ECT2: variants seen among roughly 807,000 people sequenced by gnomAD.
ECT2 encodes protein ECT2.
Under a neutral mutation model 116.9 loss-of-function variants are expected in ECT2, and 61 were observed. The ratio of observed to expected loss-of-function variants is 0.52; its 90% confidence interval spans 0.42 to 0.65. The LOEUF is 0.65. Among genes scored for constraint, ECT2 ranks in the 30% least tolerant of loss-of-function variants. The pLI is 0.00. For missense variants in ECT2, 937 were observed against 1,078.7 expected, an observed-to-expected ratio of 0.87 and a Z score of 1.84; for synonymous variants, 358 against 346.4, an observed-to-expected ratio of 1.03 and a Z score of -0.37.
At chr3:172,805,923 A>G in intron 21 of ECT2, 54 bp downstream of exon 21, 8 of 1,568,670 alleles carry the variant, frequency 5.1e-6, no homozygotes, top group Non-Finnish European at 6.9e-6. Flanking sequence ...TATTCATTGT[A>G]GGTTTAATTT....
Position 172,783,890 on chromosome 3 carries a change from G to T in ECT2, c.1709G>T (p.Arg570Ile). The change falls in exon 16 of 25, where the codon AGA becomes ATA. Residue 570 changes from arginine to isoleucine, a missense_variant. Physicochemically the swap from Arg to Ile is moderately conservative, Grantham distance 97. Coordinates refer to ENST00000392692, the MANE Select transcript of ECT2 (RefSeq NM_001258315.2). Reference sequence around the variant, plus strand: ...ATTAAATGTGAAAAACAGAAACCAAGATTTCATGCTTTTCTCAAGGTAATG... The same window carrying T: ...ATTAAATGTGAAAAACAGAAACCAATATTTCATGCTTTTCTCAAGGTAATG... ...TIIKCEKQKP[R>I]FHAFLKINQA... The T allele has an allele frequency of 6.3e-7, 1 of 1,592,252 alleles. No individual in the cohort carries two copies. The highest frequency in any genetic ancestry group is 1.1e-5 in the South Asian group (1 of 87,684).
In ECT2 at chr3:172,802,666, A is replaced by G. The variant is rs779849187; in HGVS notation, c.1958A>G (p.Asp653Gly). The stretch of plus-strand genomic sequence containing the variant: ...ACAGAAGCTCAAAAGCAAATTTTTG[A>G]TGTTGTTTATGAAGTAGATGGATGC... ...RKTEAQKQIF[D>G]VVYEVDGCPA... Residue 653 changes from aspartate (D) to glycine (G), a missense_variant, in exon 19 of 25, where the codon GAT becomes GGT. Physicochemically the swap from Asp to Gly is moderately conservative, Grantham distance 94 (BLOSUM62 -1). Coordinates refer to ENST00000392692, the MANE Select transcript of ECT2 (RefSeq NM_001258315.2). 1.4e-5 allele frequency: 23 copies of G among 1,603,286 alleles called. No individual in the cohort carries two copies. The highest frequency in any genetic ancestry group is 1.3e-5 in the African/African-American group (1 of 74,492).
At chr3:172,782,280 A>T (rs1245852085) in intron 15 of ECT2, 49 bp downstream of exon 15, 1 of 1,134,318 alleles carries the variant, frequency 8.8e-7, no homozygotes, top group Non-Finnish European at 1.3e-6. Context: ...ATATGATCTC[A>T]TCAAGGACTG....
chr3:172,771,938 CTG>C (rs1343918496), intron 13 of ECT2, among the ~76,000 whole-genome samples: 2 of 152,090 alleles, frequency 1.3e-5, no homozygotes, highest in Non-Finnish European at 2.9e-5. Flanking sequence ...GTTGAAATAA[CTG>C]TTCGTGTTTT....
intron 14 of ECT2, 106 bp downstream of exon 14, chr3:172,774,128 C>G (rs1721208352): frequency 9.9e-7 from 1 of 1,010,270 alleles, no homozygotes; most frequent in Non-Finnish European, 1.5e-6. Flanking sequence ...GTACCTAAAA[C>G]TTCTTATTCC....
intron 24 of ECT2, among the ~76,000 whole-genome samples, chr3:172,819,926 A>G (rs1029696515): frequency 2.6e-5 from 4 of 152,152 alleles, no homozygotes; most frequent in African/African-American, 7.2e-5. Flanking sequence ...CTAGTTAACT[A>G]GTCTAGCTAT....
intron 22 of ECT2, among the ~76,000 whole-genome samples, chr3:172,811,983 C>G (rs982528267): frequency 7.4e-6 from 1 of 134,614 alleles, no homozygotes. Context: ...AAATGTATTT[C>G]TTTTTTTTTT....
chr3:172,823,692 G>C (rs1026155013), downstream of ECT2, among the ~76,000 whole-genome samples: 1 of 151,936 alleles, frequency 6.6e-6, no homozygotes, highest in African/African-American at 2.4e-5. Flanking sequence ...ACTATTAAGT[G>C]CAATAGCATT....
the ECT2 span, chr3:172,828,841 TGAGTGCCTGAGAGAC>T: frequency 6.8e-4 from 624 of 917,588 alleles, 2 homozygotes; most frequent in Non-Finnish European, 5.1e-4. Context: ...GCCTGAGAGA[TGAGTGCCTGAGAGAC>T]GAGTGCCTGA....
chr3:172,829,141 G>T, the ECT2 span: 3 of 636,236 alleles, frequency 4.7e-6, no homozygotes, highest in South Asian at 1.5e-5. Context: ...GATCTGAGCC[G>T]GAGAAATGAA....
intron 5 of ECT2, among the ~76,000 whole-genome samples, chr3:172,758,209 C>T (rs1166273590): frequency 1.3e-5 from 2 of 152,066 alleles, no homozygotes; most frequent in African/African-American, 4.8e-5. Context: ...GAGAGTTAGT[C>T]CCTATTTGGT....
downstream of ECT2, among the ~76,000 whole-genome samples, chr3:172,822,054 A>T (rs533457907): frequency 7.2e-5 from 11 of 152,046 alleles, no homozygotes; most frequent in South Asian, 2.1e-3. Context: ...TATTGAGAAA[A>T]TCATAATTTA....
intron 20 of ECT2, 140 bp from the exon 21 acceptor site, chr3:172,805,591 C>G: frequency 2.5e-6 from 2 of 801,826 alleles, no homozygotes; most frequent in Non-Finnish European, 3.7e-6. Flanking sequence ...CATAGTAACT[C>G]TGCTTATAAC....
At chr3:172,759,262 A>T (rs1438601232) in intron 6 of ECT2, among the ~76,000 whole-genome samples, 193 bp downstream of exon 6, 2 of 152,190 alleles carry the variant, frequency 1.3e-5, no homozygotes, top group Admixed American at 1.3e-4. Flanking sequence ...TGTTTTGTCT[A>T]GGCTGGCTGA....
At position 172,754,627 on chromosome 3, in the gene ECT2, A is replaced by G; in HGVS notation, c.97A>G (p.Asn33Asp). 2 of 1,611,746 alleles carry G rather than the reference A, an allele frequency of 1.2e-6. No individual in the cohort carries two copies. Among genetic ancestry groups the G allele is most frequent in the East Asian group, 2.2e-5 (1 of 44,758 alleles). The part of the protein sequence containing the change: ...DSKVTEISKE[N>D]LLIGSTSYVE... ...TAAAGTTACTGAGATTTCCAAGGAA[A>G]ACTTACTTATTGGATCTACTTCATA... Residue 33 changes from asparagine to aspartate, a missense_variant, in exon 2 of 25, where the codon AAC (asparagine) becomes GAC (aspartate). Asn to Asp is a conservative substitution (Grantham distance 23). Transcript: ENST00000392692.
chr3:172,758,990 T>G lies in ECT2; in HGVS notation c.497T>G (p.Phe166Cys), dbSNP rs200696233. The G allele has an allele frequency of 7.8e-5, 125 of 1,609,246 alleles. No homozygotes were observed. Among genetic ancestry groups the G allele is most frequent in the Middle Eastern group, 4.9e-4 (3 of 6,074 alleles). The change falls in exon 6 of 25, where the codon TTT (phenylalanine) becomes TGT (cysteine). Residue 166 changes from phenylalanine to cysteine, a missense_variant. Physicochemically the swap from Phe to Cys is radical, Grantham distance 205. Transcript: ENST00000392692. ...NCSQKGEPLP[F>C]SCRPLYCTSM... ...TGTTGTATCCTTCAGCCTTTGCCAT[T>G]TTCATGTCGCCCGTTGTATTGTACA...
In ECT2 at chr3:172,757,153, A is replaced by G. The variant is rs1717151967; in HGVS notation, c.474A>G (p.Ser158=). ...GACCACCAGTTGTATTAAATTGTTC[A>G]CAAAAAGGAGAGGTAAGCATATACA... The part of the protein sequence containing the change: ...VIGPPVVLNC[S]QKGEPLPFSC... The change falls in exon 5 of 25, where the codon TCA becomes TCG. Residue 158 remains serine (S), a synonymous_variant. Transcript: ENST00000392692. 3 of 1,501,492 alleles carry G rather than the reference A, an allele frequency of 2.0e-6. No homozygotes were observed. Among genetic ancestry groups the G allele is most frequent in the East Asian group, 2.5e-5 (1 of 39,602 alleles). The allele number at this position is 1,501,492 out of a possible 1,614,324, so 93.0% of individuals were successfully genotyped here.
At chr3:172,793,688 T>A (rs1430079681) in intron 18 of ECT2, among the ~76,000 whole-genome samples, 10 of 152,074 alleles carry the variant, frequency 6.6e-5, no homozygotes, top group Non-Finnish European at 1.5e-4. Context: ...GGTCTCGATC[T>A]CCTGACCTCA....
At chr3:172,792,911 G>T (rs1348720572) in intron 18 of ECT2, among the ~76,000 whole-genome samples, 1 of 151,954 alleles carries the variant, frequency 6.6e-6, no homozygotes, top group Non-Finnish European at 1.5e-5. Flanking sequence ...GTGGAGACAG[G>T]GTTTCACTCT....
Sources: allele counts gnomAD v4.1 joint callset (sites outside exome capture counted in the v4.1 genomes callset), GRCh38; gene constraint gnomAD v4.1.1; transcripts MANE v1.5; gene names NCBI Gene and HGNC (gene_info 2026-07-23, HGNC 2026-07-21).